The following NDUFAF6 variants were observed in gnomAD, a reference collection of about 807,000 sequenced individuals.
NDUFAF6 encodes the protein NADH:ubiquinone oxidoreductase complex assembly factor 6, also known as NADH dehydrogenase (ubiquinone) complex I, assembly factor 6.
Under a neutral mutation model 40.8 loss-of-function variants are expected in NDUFAF6, and 45 were observed. The ratio of observed to expected loss-of-function variants is 1.10; its 90% CI spans 0.87 to 1.42. The LOEUF is 1.42. NDUFAF6 is among the 40% of genes most tolerant of loss of function. The pLI, the probability that NDUFAF6 is intolerant of heterozygous loss-of-function variation, is 0.00. For synonymous variants in NDUFAF6, 185 were observed against 155.9 expected (o/e 1.19, Z -1.39); for missense variants, 435 against 418.5 (o/e 1.04, Z -0.34).
intron 3 of NDUFAF6, chr8:95,036,313 A>C: frequency 1.6e-6 from 2 of 1,286,006 alleles, no homozygotes; most frequent in South Asian, 2.5e-5. Context: ...GATTGCCAAA[A>C]GAGGGTTTCT....
chr8:95,075,930 G>A (rs1833009408), exon 10 of NDUFAF6: 1 of 316,618 alleles, frequency 3.2e-6, no homozygotes, highest in Non-Finnish European at 6.3e-6. Flanking sequence ...AATCAGGAAA[G>A]GAGAGCCACT....
At chr8:95,050,956 G>C (rs1831362814) in intron 7 of NDUFAF6, among the ~76,000 whole-genome samples, 1 of 152,162 alleles carries the variant, frequency 6.6e-6, no homozygotes, top group Middle Eastern at 3.2e-3. Flanking sequence ...CCATTCAAAA[G>C]CTACAGTGAC....
At chr8:95,113,804 C>G (rs1050544090) in intron 4 of NDUFAF6, among the ~76,000 whole-genome samples, 1 of 152,102 alleles carries the variant, frequency 6.6e-6, no homozygotes, top group African/African-American at 2.4e-5. Flanking sequence ...TGAGGTGGCA[C>G]GACTGCACTC....
chr8:95,065,416 A>G (rs1832679653), intron 9 of NDUFAF6, among the ~76,000 whole-genome samples: 1 of 152,210 alleles, frequency 6.6e-6, no homozygotes, highest in African/African-American at 2.4e-5. Flanking sequence ...GACAACCACT[A>G]TTAACGTTTT....
exon 10 of NDUFAF6, chr8:95,075,814 C>T: frequency 4.8e-6 from 3 of 630,856 alleles, no homozygotes; most frequent in South Asian, 4.5e-5. Context: ...TTCACTCGAA[C>T]ACGCACACAC....
At chr8:95,041,454 A>T in intron 3 of NDUFAF6, 116 bp from the exon 4 acceptor site, 1 of 723,886 alleles carries the variant, frequency 1.4e-6, no homozygotes, top group South Asian at 1.5e-5. Context: ...CTATATGGTG[A>T]TGTTATTACA....
At chr8:95,083,820 A>G (rs1203628390) in intron 2 of NDUFAF6, among the ~76,000 whole-genome samples, 1 of 152,220 alleles carries the variant, frequency 6.6e-6, no homozygotes, top group Admixed American at 6.5e-5. Flanking sequence ...AATGGAGACA[A>G]AGTCCCAGAG....
downstream of NDUFAF6, among the ~76,000 whole-genome samples, chr8:95,080,662 T>TGG (rs1460123274): frequency 7.8e-3 from 1,175 of 149,696 alleles, 5 homozygotes; most frequent in Admixed American, 0.028. Context: ...TAGTGTATTT[T>TGG]TGTAGTGTAT....
chr8:95,009,648 A>G (rs34700722), intron 2 of NDUFAF6, among the ~76,000 whole-genome samples: 22,709 of 152,140 alleles, frequency 0.15, 1,747 homozygotes, highest in Middle Eastern at 0.25. Flanking sequence ...GGGCCAGCCC[A>G]GACAGAAAGT....
chr8:95,042,252 CAT>C (rs1483694763), intron 4 of NDUFAF6, among the ~76,000 whole-genome samples: 5 of 152,298 alleles, frequency 3.3e-5, no homozygotes, highest in Admixed American at 6.5e-5. Flanking sequence ...CCTGGCCTAA[CAT>C]GTGTGACCTT....
chr8:95,049,173 C>T lies in NDUFAF6; in HGVS notation c.816+615C>T, dbSNP rs1291739106. Among the ~76,000 whole-genome samples the T allele has an allele frequency of 2.0e-5, 3 of 152,166 alleles. No individual in the cohort carries two copies. The South Asian group carries it at 6.2e-4, about 31-fold the overall frequency. ...CGAGTTTGGCAGTTCTCCTTATTGCCAAATTTAATGGTCATTTACAACTCG... is the reference window on the plus strand; with the variant it reads ...CGAGTTTGGCAGTTCTCCTTATTGCTAAATTTAATGGTCATTTACAACTCG... On this transcript the variant is annotated intron_variant, in intron 7 of 8. Coordinates refer to ENST00000396124, the MANE Select transcript of NDUFAF6 (RefSeq NM_152416.4).
chr8:95,018,534 C>T (rs901122164), intron 2 of NDUFAF6, among the ~76,000 whole-genome samples: 9 of 151,906 alleles, frequency 5.9e-5, no homozygotes, highest in African/African-American at 1.9e-4. Flanking sequence ...TGTTCCCTTT[C>T]CTCAAGGTGC....
Position 95,052,247 on chromosome 8 carries a change from A to G in NDUFAF6, c.873+17A>G, listed in dbSNP as rs1298464923. The G allele has an allele frequency of 6.2e-7, 1 of 1,611,506 alleles. No individual in the cohort carries two copies. Among genetic ancestry groups the G allele is most frequent in the Non-Finnish European group, 8.5e-7 (1 of 1,177,646 alleles). On this transcript the variant is annotated intron_variant, in intron 8 of 8. Transcript: ENST00000396124. ...CTTCAGACGGTAAGTAGATTAACAG[A>G]GAAGGCTGTATAATTAGTGAAGCAG...
At chr8:94,988,046 C>T (rs1341096961) in intron 2 of NDUFAF6, among the ~76,000 whole-genome samples, 1 of 152,216 alleles carries the variant, frequency 6.6e-6, no homozygotes, top group Non-Finnish European at 1.5e-5. Flanking sequence ...GGAGCCTATG[C>T]TTCAGCAACT....
At chr8:95,028,776 T>C (rs1406982471) in intron 1 of NDUFAF6, among the ~76,000 whole-genome samples, 5 of 152,206 alleles carry the variant, frequency 3.3e-5, no homozygotes, top group Non-Finnish European at 7.3e-5. Context: ...GTAGTTTGAT[T>C]CCCATTCAGT....
chr8:95,062,139 C>T (rs948534094), downstream of NDUFAF6, among the ~76,000 whole-genome samples: 2 of 148,496 alleles, frequency 1.3e-5, no homozygotes, highest in African/African-American at 2.5e-5. Context: ...GCAGCCTGGG[C>T]GACAGAGACC....
At chr8:94,959,501 A>G (rs959782630) in intron 1 of NDUFAF6, among the ~76,000 whole-genome samples, 2 of 150,632 alleles carry the variant, frequency 1.3e-5, no homozygotes, top group Non-Finnish European at 3.0e-5. Flanking sequence ...CTGACTTAGC[A>G]TTGGCCAATT....
In NDUFAF6 at chr8:94,902,336, T is replaced by G. The variant is rs561132357; in HGVS notation, c.-936+6409T>G. ...CCGGAAGCTAAGGCACAAGAATTGC[T>G]TGAACCCAGGAGGTGGACATTGCAG... On this transcript the variant is annotated intron_variant, in intron 1 of 14. Coordinates refer to the NDUFAF6 transcript ENST00000396113. 3.9e-5 allele frequency among the ~76,000 whole-genome samples: 6 copies of G among 151,970 alleles called. No individual in the cohort carries two copies. In the South Asian group the frequency reaches 1.0e-3, roughly 26 times the overall value.
chr8:94,940,176 C>T, intron 1 of NDUFAF6: 1 of 1,613,690 alleles, frequency 6.2e-7, no homozygotes, highest in Non-Finnish European at 8.5e-7. Flanking sequence ...TCACTGATGT[C>T]CTCCTCTTCT....
Sources: allele counts gnomAD v4.1 joint callset (sites outside exome capture counted in the v4.1 genomes callset), GRCh38; gene constraint gnomAD v4.1.1; transcripts MANE v1.5; gene names NCBI Gene and HGNC (gene_info 2026-07-23, HGNC 2026-07-21).